Variants in COL26A1 observed in about 807,000 individuals in gnomAD.
COL26A1 encodes collagen alpha-1(XXVI) chain.
COL26A1 carries 41 observed loss-of-function variants against 59.3 expected under a neutral mutation model. The ratio of observed to expected loss-of-function variants is 0.69; its 90% CI spans 0.54 to 0.90. The LOEUF is 0.90. COL26A1 is among the 40% of genes least tolerant of loss of function. The probability of loss-of-function intolerance (pLI) is 0.00; values close to 1 mark genes in which losing one functional copy is unlikely to be tolerated. For synonymous variants in COL26A1, 266 were observed against 256.0 expected (o/e 1.04, Z -0.37); for missense variants, 612 against 602.3 (o/e 1.02, Z -0.17).
At chr7:101,384,239 T>TG (rs1791516007) in intron 1 of COL26A1, among the ~76,000 whole-genome samples, 2 of 145,874 alleles carry the variant, frequency 1.4e-5, no homozygotes, top group African/African-American at 5.4e-5. Flanking sequence ...GGTTTTTTTT[T>TG]TTTTTTTTTT....
At chr7:101,364,723 T>C (rs1305969045) in intron 1 of COL26A1, among the ~76,000 whole-genome samples, 1 of 152,068 alleles carries the variant, frequency 6.6e-6, no homozygotes, top group Non-Finnish European at 1.5e-5. Context: ...GTGTACACCA[T>C]CATGACTGGC....
At chr7:101,406,406 G>A (rs35004829) in intron 1 of COL26A1, among the ~76,000 whole-genome samples, 26,727 of 152,160 alleles carry the variant, frequency 0.18, 2,802 homozygotes, top group Non-Finnish European at 0.24. Flanking sequence ...AGGCGGATGA[G>A]TGATGGACAG....
At chr7:101,463,869 TTTTCTTTCTTTCTTTC>T (rs566945352) in intron 3 of COL26A1, among the ~76,000 whole-genome samples, 5 of 91,732 alleles carry the variant, frequency 5.5e-5, no homozygotes, top group Admixed American at 2.3e-4. Flanking sequence ...CTCTTTTTTC[TTTTCTTTCTTTCTTTC>T]TTTCTTTCTT....
At chr7:101,399,207 G>A (rs2130185185) in intron 1 of COL26A1, among the ~76,000 whole-genome samples, 1 of 152,234 alleles carries the variant, frequency 6.6e-6, no homozygotes, top group African/African-American at 2.4e-5. Flanking sequence ...TCAGGAGGCT[G>A]AGGCGAGAGG....
Position 101,363,013 on chromosome 7 carries a change from C to T in COL26A1, c.-20C>T. ...GTCCTCGTGCCCGGGACTCCGGGTC[C>T]CCGCGGGCTGCTGCGCACGATGAAG... On this transcript the variant is annotated 5_prime_UTR_variant, in exon 1 of 13. Transcript: ENST00000313669. 6.4e-7 allele frequency: 1 copy of T among 1,564,618 alleles called. No homozygotes were observed. The highest frequency in any genetic ancestry group is 8.6e-7 in the Non-Finnish European group (1 of 1,165,310).
At chr7:101,399,129 A>T (rs2130184834) in intron 1 of COL26A1, among the ~76,000 whole-genome samples, 1 of 150,448 alleles carries the variant, frequency 6.6e-6, no homozygotes, top group East Asian at 2.0e-4. Context: ...ATATAGTGAG[A>T]CCCCCATCTC....
At chr7:101,418,725 A>G (rs1327087887) in intron 1 of COL26A1, among the ~76,000 whole-genome samples, 1 of 151,804 alleles carries the variant, frequency 6.6e-6, no homozygotes, top group East Asian at 2.0e-4. Flanking sequence ...CTCGGACCCC[A>G]AAAGTGCTGA....
At chr7:101,439,928 G>T (rs140998521) in intron 2 of COL26A1, among the ~76,000 whole-genome samples, 1 of 152,308 alleles carries the variant, frequency 6.6e-6, no homozygotes, top group Non-Finnish European at 1.5e-5. Context: ...TGGGGACTCT[G>T]CAGGGAGCCT....
At chr7:101,549,345 C>T in intron 9 of COL26A1, 122 bp downstream of exon 9, 1 of 622,178 alleles carries the variant, frequency 1.6e-6, no homozygotes. Flanking sequence ...AGCCAGTCGG[C>T]CTGGCCGGTG....
intron 3 of COL26A1, among the ~76,000 whole-genome samples, chr7:101,506,160 G>T (rs748097097): frequency 6.6e-6 from 1 of 152,168 alleles, no homozygotes; most frequent in South Asian, 2.1e-4. Context: ...ACAAATATTT[G>T]AGAGTCACCA....
intron 2 of COL26A1, among the ~76,000 whole-genome samples, chr7:101,423,448 G>C (rs1401238031): frequency 2.0e-5 from 3 of 151,870 alleles, no homozygotes; most frequent in African/African-American, 7.3e-5. Flanking sequence ...GAAGTGCTGG[G>C]GTCCGGCCCG....
chr7:101,557,405 G>A lies in COL26A1; in HGVS notation c.1201G>A (p.Asp401Asn), dbSNP rs760259215. The A allele has an allele frequency of 6.2e-7, 1 of 1,613,830 alleles. No individual in the cohort carries two copies. Among genetic ancestry groups the A allele is most frequent in the Non-Finnish European group, 8.5e-7 (1 of 1,179,792 alleles). Residue 401 changes from aspartate (D) to asparagine (N), a missense_variant, in exon 13 of 13, where the codon GAT becomes AAT. By Grantham distance (23) the Asp-to-Asn change is conservative. Transcript: ENST00000313669. ...CTCCCCAGAGGGAGGTTCTGGCCAGGATGCTGCCCTGAGAGCCAACCTCAA... is the reference window on the plus strand; with the variant it reads ...CTCCCCAGAGGGAGGTTCTGGCCAGAATGCTGCCCTGAGAGCCAACCTCAA... ...LASPEGGSGQ[D>N]AALRANLKMK... is the part of the protein sequence containing the mutation.
rs1311907204 is a variant in COL26A1 at position 101,547,832 on chromosome 7, T to TATTC, written c.940+609_940+612dup. Among the ~76,000 whole-genome samples, 5 of 61,902 alleles carry TATTC rather than the reference T, an allele frequency of 8.1e-5. No homozygotes were observed. The East Asian group carries it at 1.1e-3, about 13-fold the overall frequency. 40.6% of individuals were successfully genotyped at this position (61,902 alleles called of 152,430 possible). Reference sequence around the variant, plus strand: ...TCATTCGTTCATTCATTCATTCGTTTATTCATTCATTCATTCATTTCTCTG... The same window carrying TATTC: ...TCATTCGTTCATTCATTCATTCGTTTATTCATTCATTCATTCATTCATTTCTCTG... On this transcript the variant is annotated intron_variant, in intron 8 of 12. Transcript: ENST00000313669.
chr7:101,391,559 TTTA>T (rs997739411), intron 1 of COL26A1, among the ~76,000 whole-genome samples: 11 of 152,128 alleles, frequency 7.2e-5, no homozygotes, highest in African/African-American at 2.7e-4. Flanking sequence ...GGACCCTATT[TTTA>T]TTATTATTTA....
At chr7:101,554,567 TAAAAAAAAA>T (rs57638079) in intron 11 of COL26A1, among the ~76,000 whole-genome samples, 40,152 of 120,688 alleles carry the variant, frequency 0.33, 6,347 homozygotes, top group African/African-American at 0.47. Flanking sequence ...CCCCATTTCT[TAAAAAAAAA>T]AAAAAAAAAA....
chr7:101,540,537 T>C (rs1157794809), intron 5 of COL26A1, among the ~76,000 whole-genome samples: 1 of 119,130 alleles, frequency 8.4e-6, no homozygotes, highest in Non-Finnish European at 1.7e-5. Context: ...AAATTCCGTC[T>C]AAAAAAAAAA....
chr7:101,433,778 T>A (rs2130327905), intron 2 of COL26A1, among the ~76,000 whole-genome samples: 1 of 151,908 alleles, frequency 6.6e-6, no homozygotes, highest in South Asian at 2.1e-4. Context: ...ACAGCAGGGG[T>A]GCCCACGCAG....
chr7:101,444,219 A>C (rs1192553098), intron 2 of COL26A1, among the ~76,000 whole-genome samples: 1 of 151,880 alleles, frequency 6.6e-6, no homozygotes, highest in South Asian at 2.1e-4. Flanking sequence ...CGCTCTTCTC[A>C]GGATGATGAC....
chr7:101,453,973 A>G (rs1584420853), intron 3 of COL26A1, among the ~76,000 whole-genome samples: 1 of 152,116 alleles, frequency 6.6e-6, no homozygotes, highest in East Asian at 1.9e-4. Context: ...GTGCAGGTCT[A>G]AGGTTTGGAA....
Sources: gnomAD v4.1 joint callset for allele counts (sites outside exome capture counted in the v4.1 genomes callset) on GRCh38, gnomAD v4.1.1 for gene constraint, MANE v1.5 for transcripts, NCBI Gene and HGNC (gene_info 2026-07-23, HGNC 2026-07-21) for gene names.